The following RALYL variants were observed in gnomAD, a reference collection of about 807,000 sequenced individuals.
RALYL encodes RALY RNA binding protein like.
RALYL carries 29 observed loss-of-function variants against 35.1 expected under a neutral mutation model. The observed-to-expected ratio is 0.83, with a 90% CI of 0.61 to 1.13. The LOEUF (loss-of-function observed/expected upper bound fraction) is 1.13, where lower values mean the gene tolerates loss of function less well. Among genes scored for constraint, RALYL ranks in the 50% most tolerant of loss-of-function variants. RALYL has a pLI of 0.00. For synonymous variants in RALYL, 120 were observed against 127.6 expected (o/e 0.94, Z 0.40); for missense variants, 359 against 360.4 (o/e 1.00, Z 0.03).
intron 1 of RALYL, among the ~76,000 whole-genome samples, chr8:84,469,062 G>A (rs190853210): frequency 1.8e-4 from 27 of 152,054 alleles, no homozygotes; most frequent in African/African-American, 6.0e-4. Context: ...TTTTTTCAAA[G>A]TTTTCAACTT....
chr8:84,901,070 TCTTA>T (rs1469363041), intron 8 of RALYL, among the ~76,000 whole-genome samples: 2 of 152,166 alleles, frequency 1.3e-5, no homozygotes, highest in African/African-American at 4.8e-5. Context: ...AGAGGTTGCT[TCTTA>T]CTTAATGATT....
chr8:84,443,345 A>C (rs1383034770), intron 1 of RALYL, among the ~76,000 whole-genome samples: 2 of 152,044 alleles, frequency 1.3e-5, no homozygotes, highest in African/African-American at 2.4e-5. Context: ...TACGTAAAAA[A>C]CTCCAAATGA....
At chr8:84,682,993 C>G (rs1008626965) in intron 2 of RALYL, among the ~76,000 whole-genome samples, 2 of 152,158 alleles carry the variant, frequency 1.3e-5, no homozygotes, top group African/African-American at 4.8e-5. Flanking sequence ...CTATAAATTT[C>G]CCTCTACACA....
intron 1 of RALYL, among the ~76,000 whole-genome samples, chr8:84,302,067 C>T (rs1197413597): frequency 6.6e-6 from 1 of 152,018 alleles, no homozygotes; most frequent in Non-Finnish European, 1.5e-5. Context: ...TTAACCAATG[C>T]AATAATAGTT....
intron 1 of RALYL, among the ~76,000 whole-genome samples, chr8:84,313,222 G>T (rs1843127400): frequency 6.6e-6 from 1 of 152,180 alleles, no homozygotes; most frequent in Non-Finnish European, 1.5e-5. Flanking sequence ...GAGGAATGGA[G>T]CCCTAGACCT....
chr8:84,184,995 C>A (rs368062301), intron 1 of RALYL: 1,013 of 1,613,822 alleles, frequency 6.3e-4, no homozygotes, highest in Non-Finnish European at 8.0e-4. Context: ...TCCTCCTCTT[C>A]GCAATGAGTA....
Position 84,490,078 on chromosome 8 carries a change from C to CGTGTGT in RALYL, c.-23-39221_-23-39220insGTGTGT, listed in dbSNP as rs749952859. On this transcript the variant is annotated intron_variant, in intron 1 of 8. Transcript: ENST00000521268. Reference sequence around the variant, plus strand: ...TAGTGGAAGTCAGAGTGCTTGCGTGCATGTGTGTGTGTGTGTGTGTGTGTG... The same window carrying CGTGTGT: ...TAGTGGAAGTCAGAGTGCTTGCGTGCGTGTGTATGTGTGTGTGTGTGTGTGTGTGTG... Among the ~76,000 whole-genome samples the CGTGTGT allele has an allele frequency of 8.7e-3, 798 of 91,916 alleles. 3 individuals are homozygous for CGTGTGT. The highest frequency in any genetic ancestry group is 0.017 in the South Asian group (31 of 1,814). 60.3% of individuals were successfully genotyped at this position (91,916 alleles called of 152,430 possible). A position where few individuals can be genotyped will look rare whatever the true frequency, so the allele number is the denominator to read the frequency against.
At chr8:84,654,940 A>G (rs2131581993) in intron 2 of RALYL, among the ~76,000 whole-genome samples, 1 of 151,944 alleles carries the variant, frequency 6.6e-6, no homozygotes, top group African/African-American at 2.4e-5. Flanking sequence ...CTTTTTGGGT[A>G]TATATACCTA....
chr8:84,705,847 G>A, intron 2 of RALYL: 4 of 1,300,202 alleles, frequency 3.1e-6, no homozygotes, highest in South Asian at 1.6e-5. Flanking sequence ...AGTAGTTACA[G>A]GCTGTAGCAT....
At chr8:84,654,206 G>A (rs1829437259) in intron 2 of RALYL, among the ~76,000 whole-genome samples, 1 of 131,476 alleles carries the variant, frequency 7.6e-6, no homozygotes, top group South Asian at 2.6e-4. Flanking sequence ...TCACCAACAT[G>A]TACATGTATA....
chr8:84,902,839 T>C (rs1400675974), intron 8 of RALYL, among the ~76,000 whole-genome samples: 2 of 152,292 alleles, frequency 1.3e-5, no homozygotes, highest in Non-Finnish European at 1.5e-5. Flanking sequence ...ATCCCTGCTA[T>C]GGGATTTTGT....
chr8:84,575,145 A>G (rs1284409721), intron 2 of RALYL, among the ~76,000 whole-genome samples: 1 of 152,122 alleles, frequency 6.6e-6, no homozygotes, highest in African/African-American at 2.4e-5. Context: ...TGTCTTTTCT[A>G]TTTATTTCAG....
At chr8:84,289,900 C>T (rs1407625915) in intron 1 of RALYL, among the ~76,000 whole-genome samples, 3 of 151,884 alleles carry the variant, frequency 2.0e-5, no homozygotes, top group Non-Finnish European at 2.9e-5. Flanking sequence ...TTGTTTTTTC[C>T]CTGGAAATTT....
chr8:84,307,487 A>C (rs1842042215), intron 1 of RALYL, among the ~76,000 whole-genome samples: 1 of 152,200 alleles, frequency 6.6e-6, no homozygotes. Flanking sequence ...CAAATGAAGA[A>C]AAAAAAGCAC....
chr8:84,428,627 A>T (rs568720559), intron 1 of RALYL, among the ~76,000 whole-genome samples: 2 of 152,116 alleles, frequency 1.3e-5, no homozygotes, highest in Non-Finnish European at 2.9e-5. Context: ...AAATTTTACT[A>T]TGTTTCTGTC....
intron 1 of RALYL, among the ~76,000 whole-genome samples, chr8:84,404,497 A>G (rs1217035223): frequency 6.6e-6 from 1 of 152,224 alleles, no homozygotes; most frequent in Admixed American, 6.5e-5. Flanking sequence ...ATGTTGAACC[A>G]GCCTTGCATC....
chr8:84,618,275 G>C (rs1426782889), intron 2 of RALYL, among the ~76,000 whole-genome samples: 3 of 151,888 alleles, frequency 2.0e-5, no homozygotes. Flanking sequence ...TTCAGAGTCT[G>C]TTATTGGTCT....
chr8:84,856,096 T>C (rs1344447972), intron 5 of RALYL, among the ~76,000 whole-genome samples: 1 of 152,194 alleles, frequency 6.6e-6, no homozygotes, highest in Non-Finnish European at 1.5e-5. Flanking sequence ...CCTCTGGTAG[T>C]ATGGTATTCC....
At chr8:84,600,843 A>T (rs1815770629) in intron 2 of RALYL, among the ~76,000 whole-genome samples, 1 of 152,162 alleles carries the variant, frequency 6.6e-6, no homozygotes, top group South Asian at 2.1e-4. Flanking sequence ...AACCTGTTGA[A>T]ATGTCGGGTT....
Sources: allele counts gnomAD v4.1 joint callset (sites outside exome capture counted in the v4.1 genomes callset), GRCh38; gene constraint gnomAD v4.1.1; transcripts MANE v1.5; gene names NCBI Gene and HGNC (gene_info 2026-07-23, HGNC 2026-07-21).